CFB: variants seen among roughly 807,000 people sequenced by gnomAD.
CFB encodes the protein complement factor B.
CFB carries 59 observed loss-of-function variants against 97.2 expected under a neutral mutation model. The observed-to-expected ratio is 0.61, with a 90% CI of 0.49 to 0.75. The LOEUF is 0.75. CFB is among the 30% of genes least tolerant of loss of function. CFB has a pLI of 0.00. For synonymous variants in CFB, 316 were observed against 351.7 expected, an observed-to-expected ratio of 0.90 and a Z score of 1.14; for missense variants, 771 against 959.8, an observed-to-expected ratio of 0.80 and a Z score of 2.60.
chr6:31,947,158 A>G lies in CFB; in HGVS notation c.450A>G (p.Arg150=), dbSNP rs1048709. Residue 150 remains arginine (R), a synonymous_variant, in exon 3 of 18, where the codon CGA becomes CGG. Coordinates refer to ENST00000425368, the MANE Select transcript of CFB (RefSeq NM_001710.6). The surrounding 1 kb of genome is among the most constrained non-coding windows in gnomAD (Gnocchi z 5.3). The part of the protein sequence containing the change: ...SANRTCQVNG[R]WSGQTAICDN... ...ATCGCACCTGCCAAGTGAATGGCCGATGGAGTGGGCAGACAGCGATCTGTG... is the reference window on the plus strand; with the variant it reads ...ATCGCACCTGCCAAGTGAATGGCCGGTGGAGTGGGCAGACAGCGATCTGTG... 1,321,285 of 1,612,792 alleles carry G rather than the reference A, an allele frequency of 0.82. 543,746 individuals are homozygous for G. The highest frequency in any genetic ancestry group is 0.96 in the African/African-American group (72,064 of 74,980).
rs45600936 is a variant in CFB, at chr6:31,948,930, C to T, written c.1137C>T (p.Arg379=). The T allele has an allele frequency of 0.01, 16,209 of 1,612,788 alleles. 221 individuals carry two copies. The highest frequency in any genetic ancestry group is 0.095 in the Middle Eastern group (575 of 6,036). Residue 379 remains arginine, a synonymous_variant, in exon 8 of 18, where the codon CGC becomes CGT. Transcript: ENST00000425368. ...ACGTCCCTCCTGAAGGCTGGAACCG[C>T]ACCCGCCATGTCATCATCCTCATGA... The part of the protein sequence containing the change: ...PDDVPPEGWN[R]TRHVIILMTD...
rs756895155 is a variant in CFB, at chr6:31,947,924, A to T, written c.761-21A>T. ...ACAGAACTGTTAATGCTGGAGCCTG[A>T]GCCACTCTCCTGGCACCCAGGGGAA... On this transcript the variant is annotated intron_variant, in intron 5 of 17. Coordinates refer to ENST00000425368, the MANE Select transcript of CFB (RefSeq NM_001710.6). The surrounding 1 kb of genome is among the most constrained non-coding windows in gnomAD (Gnocchi z 5.3). The T allele has an allele frequency of 6.2e-7, 1 of 1,614,212 alleles. No homozygotes were observed.
At chr6:31,949,753 G>A (rs1032246908) in intron 10 of CFB, 196 bp downstream of exon 10, 8 of 761,116 alleles carry the variant, frequency 1.1e-5, no homozygotes, top group Non-Finnish European at 1.7e-5. Flanking sequence ...GCACTTCAGA[G>A]ATCTTTCTAT....
At position 31,946,343 on chromosome 6, in the gene CFB, G is replaced by C; in HGVS notation, c.65-30G>C. 1 of 1,612,864 alleles carries C rather than the reference G, an allele frequency of 6.2e-7. No individual in the cohort carries two copies. The highest frequency in any genetic ancestry group is 1.1e-5 in the South Asian group (1 of 91,066). ...TCCAGCATCCCTCCTTGGCCTTTTG[G>C]GGCCAGGCTTCATCAGCCTTTCTCT... On this transcript the variant is annotated intron_variant, in intron 1 of 17. Coordinates refer to ENST00000425368, the MANE Select transcript of CFB (RefSeq NM_001710.6). This position sits in a 1 kb window ranked among gnomAD's most constrained non-coding sequence, Gnocchi z 6.4.
Position 31,949,288 on chromosome 6 carries a change from T to A in CFB, c.1214T>A (p.Ile405Asn), listed in dbSNP as rs1316860584. 1.2e-6 allele frequency: 2 copies of A among 1,614,054 alleles called. No homozygotes were observed. The highest frequency in any genetic ancestry group is 1.7e-6 in the Non-Finnish European group (2 of 1,180,046). Residue 405 changes from isoleucine (I) to asparagine (N), a missense_variant, in exon 9 of 18, where the codon ATC becomes AAC. Coordinates refer to ENST00000425368, the MANE Select transcript of CFB (RefSeq NM_001710.6). ...GACCCAATTACTGTCATTGATGAGA[T>A]CCGGGACTTGCTATACATTGGCAAG... Reference protein sequence around the residue: ...GGDPITVIDEIRDLLYIGKDR... With the variant: ...GGDPITVIDENRDLLYIGKDR...
intron 8 of CFB, 135 bp downstream of exon 8, chr6:31,949,096 G>T (rs1465283536): frequency 1.4e-6 from 2 of 1,452,580 alleles, no homozygotes; most frequent in Admixed American, 3.6e-5. Flanking sequence ...CATCTCTCCT[G>T]TGACCCTTCA....
rs527918458 is a variant in CFB at position 31,950,792 on chromosome 6, T to C, written c.1778+20T>C. 3 of 1,613,064 alleles carry C rather than the reference T, an allele frequency of 1.9e-6. No individual in the cohort carries two copies. Among genetic ancestry groups the C allele is most frequent in the Admixed American group, 1.7e-5 (1 of 60,028 alleles). On this transcript the variant is annotated intron_variant, in intron 13 of 17. Transcript: ENST00000425368. ...TATCAGGTGAGAGCGTCCAGATCCCTGAGGAAAGGCTGGGAAAGGCTGGAG... is the reference window on the plus strand; with the variant it reads ...TATCAGGTGAGAGCGTCCAGATCCCCGAGGAAAGGCTGGGAAAGGCTGGAG...
chr6:31,949,505 G>A lies in CFB; in HGVS notation c.1356G>A (p.Val452=). The A allele has an allele frequency of 6.2e-7, 1 of 1,613,792 alleles. No homozygotes were observed. The change falls in exon 10 of 18, where the codon GTG becomes GTA. Residue 452 remains valine, a synonymous_variant. Transcript: ENST00000425368. The stretch of plus-strand genomic sequence containing the variant: ...CCAAGAAAGACAATGAGCAACATGT[G>A]TTCAAAGTCAAGGATATGGAAAACC... ...LASKKDNEQH[V]FKVKDMENLE...
rs538855741 is a variant in CFB at position 31,946,752 on chromosome 6, G to A, written c.298+146G>A. 36 of 853,592 alleles carry A rather than the reference G, an allele frequency of 4.2e-5. No individual in the cohort carries two copies. The African/African-American group carries it at 5.8e-4, about 14-fold the overall frequency. The allele number at this position is 853,592 out of a possible 1,614,324, so 52.9% of individuals were successfully genotyped here. A position where few individuals can be genotyped will look rare whatever the true frequency, so the allele number is the denominator to read the frequency against. ...TTTTAGGGTGGCAGGCGGAAAGGGG[G>A]CAAGAAAAAGCGGAGTTAACCCTTA... On this transcript the variant is annotated intron_variant, in intron 2 of 17. Transcript: ENST00000425368. This position sits in a 1 kb window ranked among gnomAD's most constrained non-coding sequence, Gnocchi z 6.4.
intron 14 of CFB, 56 bp downstream of exon 14, chr6:31,951,000 TGA>T: frequency 1.3e-6 from 2 of 1,597,524 alleles, no homozygotes; most frequent in Non-Finnish European, 1.7e-6. Flanking sequence ...AAGTGGGGCA[TGA>T]GAGGGAGGTG....
rs1771518573 is a variant in CFB, at chr6:31,947,566, CCTA to C, written c.658+48_658+50del. The C allele has an allele frequency of 4.3e-6, 7 of 1,610,494 alleles. No individual in the cohort carries two copies. Among genetic ancestry groups the C allele is most frequent in the East Asian group, 2.2e-5 (1 of 44,876 alleles). On this transcript the variant is annotated intron_variant, in intron 4 of 17. Transcript: ENST00000425368. This position sits in a 1 kb window ranked among gnomAD's most constrained non-coding sequence, Gnocchi z 5.3. ...CCCAGGTCAGATCCTGGTCTTCCAT[CCTA>C]CTGTCTTCTCTCCCCACCTCAACCC...
intron 7 of CFB, 143 bp downstream of exon 7, chr6:31,948,655 T>A: frequency 2.7e-6 from 4 of 1,500,726 alleles, no homozygotes; most frequent in Non-Finnish European, 3.7e-6. Context: ...GCAATGGAGG[T>A]TAGTGGGAAC....
At chr6:31,948,195 G>A in intron 6 of CFB, 114 bp downstream of exon 6, 1 of 1,496,228 alleles carries the variant, frequency 6.7e-7, no homozygotes, top group Non-Finnish European at 9.1e-7. Context: ...AAATCTCCAG[G>A]TCCTATTCTG....
intron 7 of CFB, 61 bp downstream of exon 7, chr6:31,948,573 G>T: frequency 6.2e-7 from 1 of 1,608,542 alleles, no homozygotes; most frequent in Non-Finnish European, 8.5e-7. Flanking sequence ...GGGTGGAGGG[G>T]GTCATGAGAC....
At position 31,947,752 on chromosome 6, in the gene CFB, G is replaced by C. The variant is rs759983100; in HGVS notation, c.669G>C (p.Met223Ile). 1 of 1,613,072 alleles carries C rather than the reference G, an allele frequency of 6.2e-7. No homozygotes were observed. The highest frequency in any genetic ancestry group is 8.5e-7 in the Non-Finnish European group (1 of 1,180,006). Residue 223 changes from methionine (M) to isoleucine (I), a missense_variant, in exon 5 of 18, where the codon ATG (methionine) becomes ATC (isoleucine). Met to Ile is a conservative substitution (Grantham distance 10, BLOSUM62 1). Coordinates refer to ENST00000425368, the MANE Select transcript of CFB (RefSeq NM_001710.6). This position sits in a 1 kb window ranked among gnomAD's most constrained non-coding sequence, Gnocchi z 5.3. ...TTCTGACTCTCCCAGACTCCTTCAT[G>C]TACGACACCCCTCAAGAGGTGGCCG... ...GTEPSCQDSF[M>I]YDTPQEVAEA...
Position 31,950,647 on chromosome 6 carries a change from A to G in CFB, c.1653A>G (p.Glu551=). Residue 551 remains glutamate (E), a synonymous_variant, in exon 13 of 18, where the codon GAA becomes GAG. Transcript: ENST00000425368. ...GGGAGAAGCGGGACCTGGAGATAGAAGTAGTCCTATTTCACCCCAACTACA... is the reference window on the plus strand; with the variant it reads ...GGGAGAAGCGGGACCTGGAGATAGAGGTAGTCCTATTTCACCCCAACTACA... ...VGGEKRDLEI[E]VVLFHPNYNI... The G allele has an allele frequency of 6.2e-7, 1 of 1,613,104 alleles. No individual in the cohort carries two copies. The highest frequency in any genetic ancestry group is 8.5e-7 in the Non-Finnish European group (1 of 1,180,036).
At position 31,947,192 on chromosome 6, in the gene CFB, G is replaced by A. The variant is rs2151781798; in HGVS notation, c.484G>A (p.Ala162Thr). The change falls in exon 3 of 18, where the codon GCG becomes ACG. Residue 162 changes from alanine (A) to threonine (T), a missense_variant and splice_region_variant. Physicochemically the swap from Ala to Thr is moderately conservative, Grantham distance 58 (BLOSUM62 0). Transcript: ENST00000425368. This position sits in a 1 kb window ranked among gnomAD's most constrained non-coding sequence, Gnocchi z 5.3. ...GCAGACAGCGATCTGTGACAACGGA[G>A]GTGAGAAGCATCCCCTCCCCCTACA... ...SGQTAICDNG[A>T]GYCSNPGIPI... 1 of 1,612,314 alleles carries A rather than the reference G, an allele frequency of 6.2e-7. No homozygotes were observed. The highest frequency in any genetic ancestry group is 8.5e-7 in the Non-Finnish European group (1 of 1,179,732).
rs956951005 is a variant in CFB at position 31,951,809 on chromosome 6, G to C, written c.2140-66G>C. The C allele has an allele frequency of 3.7e-6, 6 of 1,610,950 alleles. No homozygotes were observed. The highest frequency in any genetic ancestry group is 4.2e-6 in the Non-Finnish European group (5 of 1,178,390). On this transcript the variant is annotated intron_variant, in intron 17 of 17. Coordinates refer to ENST00000425368, the MANE Select transcript of CFB (RefSeq NM_001710.6). The surrounding 1 kb of genome is among the most constrained non-coding windows in gnomAD (Gnocchi z 4.3). The stretch of plus-strand genomic sequence containing the variant: ...TTTAGGTCAGCTAAGACACAAGCAG[G>C]AACAGCCATGCTTCCAGGATTAGGA...
At chr6:31,948,642 T>C in intron 7 of CFB, 130 bp downstream of exon 7, 1 of 1,523,010 alleles carries the variant, frequency 6.6e-7, no homozygotes, top group Non-Finnish European at 9.0e-7. Context: ...GCAGGATCGT[T>C]GGGCAATGGA....
Sources: gnomAD v4.1 joint callset for allele counts on GRCh38, gnomAD v4.1.1 for gene constraint, Gnocchi (gnomAD v3.1) non-coding constraint, MANE v1.5 for transcripts, NCBI Gene and HGNC (gene_info 2026-07-23, HGNC 2026-07-21) for gene names.